Variants in NME7 observed in about 807,000 individuals in gnomAD.
NME7 encodes nucleoside diphosphate kinase 7.
In NME7, 41 loss-of-function variants were observed where a neutral mutation model predicts 49.1. The observed-to-expected ratio is 0.83, with a 90% CI of 0.65 to 1.08. The LOEUF (loss-of-function observed/expected upper bound fraction) is 1.08, where lower values mean the gene tolerates loss of function less well. NME7 is among the 50% of genes least tolerant of loss of function. NME7 has a pLI of 0.00. For synonymous variants in NME7, 139 were observed against 150.6 expected, an observed-to-expected ratio of 0.92 and a Z score of 0.56; for missense variants, 423 against 463.4, an observed-to-expected ratio of 0.91 and a Z score of 0.80.
chr1:169,364,914 C>T (rs1225508610), intron 1 of NME7, among the ~76,000 whole-genome samples: 1 of 152,174 alleles, frequency 6.6e-6, no homozygotes, highest in African/African-American at 2.4e-5. Context: ...AGCTACTGTT[C>T]CTTGCTTTTC....
intron 7 of NME7, among the ~76,000 whole-genome samples, chr1:169,245,057 A>T (rs1429979298): frequency 6.6e-6 from 1 of 152,216 alleles, no homozygotes; most frequent in African/African-American, 2.4e-5. Flanking sequence ...TGAACCCAGG[A>T]GGCAGAGCTT....
intron 3 of NME7, among the ~76,000 whole-genome samples, chr1:169,316,247 C>A (rs10919133): frequency 0.35 from 53,356 of 151,670 alleles, 10,488 homozygotes; most frequent in Non-Finnish European, 0.44. Flanking sequence ...CCAAAAACAA[C>A]AATAATAACA....
At chr1:169,296,195 G>C (rs533624178) in intron 6 of NME7, among the ~76,000 whole-genome samples, 1 of 151,770 alleles carries the variant, frequency 6.6e-6, no homozygotes, top group East Asian at 1.9e-4. Flanking sequence ...TACAATTCCC[G>C]TCCCACAATT....
intron 7 of NME7, among the ~76,000 whole-genome samples, chr1:169,267,544 AC>A (rs61279812): frequency 0.089 from 11,883 of 133,300 alleles, 3,204 homozygotes; most frequent in East Asian, 0.75. Flanking sequence ...GTAACCAAAA[AC>A]AACATGGTAC....
intron 1 of NME7, among the ~76,000 whole-genome samples, chr1:169,324,980 TC>T (rs1287074676): frequency 8.5e-5 from 13 of 152,186 alleles, no homozygotes; most frequent in African/African-American, 2.7e-4. Flanking sequence ...CATTTTTTTT[TC>T]CTTAGTAATT....
chr1:169,288,727 C>T (rs1299583915), intron 6 of NME7, among the ~76,000 whole-genome samples: 1 of 152,148 alleles, frequency 6.6e-6, no homozygotes, highest in Admixed American at 6.5e-5. Context: ...ATACCAACTG[C>T]CTTTCTATCA....
At chr1:169,336,101 G>A (rs2101954093) in intron 1 of NME7, among the ~76,000 whole-genome samples, 1 of 151,892 alleles carries the variant, frequency 6.6e-6, no homozygotes, top group African/African-American at 2.4e-5. Context: ...TGGTCTCGCT[G>A]GCTCAGGAGT....
At chr1:169,232,569 G>T (rs1012561662) in intron 9 of NME7, among the ~76,000 whole-genome samples, 6 of 151,490 alleles carry the variant, frequency 4.0e-5, no homozygotes, top group Non-Finnish European at 8.8e-5. Flanking sequence ...GGGGGGGGCA[G>T]GGGAAAGAAC....
intron 11 of NME7, among the ~76,000 whole-genome samples, chr1:169,157,389 A>G (rs1035284445): frequency 1.3e-5 from 2 of 152,192 alleles, no homozygotes; most frequent in Non-Finnish European, 2.9e-5. Context: ...TCTGAGCCAC[A>G]TGACCATGCC....
At chr1:169,340,009 T>TCCCTGTTGTCACTAA (rs1553195785) in intron 1 of NME7, among the ~76,000 whole-genome samples, 1 of 152,070 alleles carries the variant, frequency 6.6e-6, no homozygotes, top group East Asian at 1.9e-4. Flanking sequence ...TAGTAAAGGC[T>TCCCTGTTGTCACTAA]CCCTGACTTC....
At chr1:169,155,739 G>A (rs1659048033) in intron 11 of NME7, among the ~76,000 whole-genome samples, 1 of 149,622 alleles carries the variant, frequency 6.7e-6, no homozygotes, top group Non-Finnish European at 1.5e-5. Context: ...GTCTATCCCT[G>A]AAGTGGGTTT....
chr1:169,333,818 G>C (rs2101950525), intron 1 of NME7, among the ~76,000 whole-genome samples: 1 of 152,192 alleles, frequency 6.6e-6, no homozygotes, highest in African/African-American at 2.4e-5. Context: ...TGCAGTGTTT[G>C]CTCGATTTCT....
chr1:169,283,098 T>C (rs1650099288), intron 7 of NME7, among the ~76,000 whole-genome samples: 1 of 152,124 alleles, frequency 6.6e-6, no homozygotes, highest in Non-Finnish European at 1.5e-5. Flanking sequence ...TTTGTAGGCC[T>C]CTAAGCATGT....
intron 1 of NME7, among the ~76,000 whole-genome samples, chr1:169,363,566 C>T (rs1327226320): frequency 6.6e-6 from 1 of 152,170 alleles, no homozygotes; most frequent in Non-Finnish European, 1.5e-5. Context: ...CTGCCTACCT[C>T]CCTAACCACA....
chr1:169,185,224 C>T (rs903505109), intron 10 of NME7, among the ~76,000 whole-genome samples: 2 of 152,146 alleles, frequency 1.3e-5, no homozygotes, highest in African/African-American at 2.4e-5. Flanking sequence ...ATTAATAAGT[C>T]CAAAATAAGA....
chr1:169,362,652 G>T (rs148351720), intron 1 of NME7, among the ~76,000 whole-genome samples: 168 of 152,298 alleles, frequency 1.1e-3, no homozygotes, highest in African/African-American at 3.9e-3. Flanking sequence ...TCCATCTTCA[G>T]CTGCTTATTG....
intron 10 of NME7, among the ~76,000 whole-genome samples, chr1:169,182,546 C>T (rs1384462814): frequency 1.3e-5 from 2 of 152,154 alleles, no homozygotes; most frequent in African/African-American, 4.8e-5. Flanking sequence ...AGCATTCTTT[C>T]CTTACTTTCC....
intron 11 of NME7, among the ~76,000 whole-genome samples, chr1:169,150,705 T>C (rs1658888638): frequency 1.3e-5 from 2 of 150,854 alleles, no homozygotes; most frequent in African/African-American, 4.9e-5. Flanking sequence ...ATGAGTTTAA[T>C]TGTACTGCCA....
chr1:169,177,899 T>C (rs1659805516), intron 10 of NME7, among the ~76,000 whole-genome samples: 1 of 152,042 alleles, frequency 6.6e-6, no homozygotes, highest in African/African-American at 2.4e-5. Context: ...TGCAGTGGCG[T>C]GATCGCGGCT....
Sources: gnomAD v4.1 joint callset for allele counts (sites outside exome capture counted in the v4.1 genomes callset) on GRCh38, gnomAD v4.1.1 for gene constraint, MANE v1.5 for transcripts, NCBI Gene and HGNC (gene_info 2026-07-23, HGNC 2026-07-21) for gene names.